The following SLC25A53 variants were observed in gnomAD, a reference collection of about 807,000 sequenced individuals.
SLC25A53 encodes mitochondrial carrier triple repeat protein 6.
A neutral mutation model predicts 15.0 loss-of-function variants in SLC25A53; 5 were observed. That is an observed-to-expected ratio of 0.33 (90% confidence interval 0.17 to 0.70). The LOEUF is 0.70. SLC25A53 is among the 30% of genes least tolerant of loss of function. SLC25A53 has a pLI of 0.67. For synonymous variants in SLC25A53, 95 were observed against 100.0 expected (o/e 0.95, Z 0.30); for missense variants, 216 against 241.6 (o/e 0.89, Z 0.70).
chrX:104,143,227 G>T (rs1317458236), intron 1 of SLC25A53, among the ~76,000 whole-genome samples: 2 of 111,618 alleles, frequency 1.8e-5, no homozygotes, highest in African/African-American at 3.3e-5. Context: ...CACCAGCAGG[G>T]AAGAAAACTG....
chrX:104,115,629 A>G (rs1450027093), intron 1 of SLC25A53: 1 of 247,810 alleles, frequency 4.0e-6, no homozygotes, highest in Non-Finnish European at 7.6e-6. Context: ...TACAAAAACT[A>G]AAGTACAAAT....
chrX:104,153,264 T>A (rs868966498), intron 1 of SLC25A53, among the ~76,000 whole-genome samples: 861 of 74,729 alleles, frequency 0.012, 1 homozygote, highest in Non-Finnish European at 0.018. Flanking sequence ...ATATATATAT[T>A]TTTTTTTTCT....
At chrX:104,151,858 A>G (rs782565150) in intron 1 of SLC25A53, among the ~76,000 whole-genome samples, 4 of 111,766 alleles carry the variant, frequency 3.6e-5, no homozygotes, top group African/African-American at 1.3e-4. Flanking sequence ...ATCTCCTCAC[A>G]TTTCACGGAA....
At chrX:104,116,621 C>T (rs2075377808) in intron 1 of SLC25A53, among the ~76,000 whole-genome samples, 1 of 111,209 alleles carries the variant, frequency 9.0e-6, no homozygotes, top group African/African-American at 3.3e-5. Context: ...GAACCCTGGG[C>T]TATGTTGTAG....
chrX:104,143,067 A>G (rs958851311), intron 1 of SLC25A53, among the ~76,000 whole-genome samples: 3 of 111,605 alleles, frequency 2.7e-5, no homozygotes, highest in Admixed American at 9.6e-5. Context: ...ATCAACAGAA[A>G]GGACTCCCAC....
intron 1 of SLC25A53, among the ~76,000 whole-genome samples, chrX:104,123,385 G>A (rs1459245977): frequency 8.9e-6 from 1 of 112,468 alleles, no homozygotes; most frequent in Non-Finnish European, 1.9e-5. Flanking sequence ...AAGGAAGAGA[G>A]TAGCTCAAAT....
chrX:104,148,760 C>T (rs911452734), intron 1 of SLC25A53, among the ~76,000 whole-genome samples: 2 of 110,934 alleles, frequency 1.8e-5, no homozygotes, highest in Non-Finnish European at 3.8e-5. Flanking sequence ...TGCAGCAAAC[C>T]AACATGTCAC....
At chrX:104,141,108 A>G (rs2075449654) in intron 1 of SLC25A53, among the ~76,000 whole-genome samples, 1 of 111,870 alleles carries the variant, frequency 8.9e-6, no homozygotes, top group Non-Finnish European at 1.9e-5. Flanking sequence ...AAGTTTTTCA[A>G]TATTCTGGAA....
At chrX:104,132,798 A>T (rs1423718924) in intron 1 of SLC25A53, among the ~76,000 whole-genome samples, 1 of 112,073 alleles carries the variant, frequency 8.9e-6, no homozygotes, top group Non-Finnish European at 1.9e-5. Flanking sequence ...AACCTTACTG[A>T]CTTGAAGACA....
intron 1 of SLC25A53, among the ~76,000 whole-genome samples, chrX:104,111,705 T>C (rs782039238): frequency 9.0e-6 from 1 of 110,808 alleles, no homozygotes; most frequent in South Asian, 3.9e-4. Context: ...AAAAATACTC[T>C]CCAGGCAGCG....
intron 1 of SLC25A53, among the ~76,000 whole-genome samples, chrX:104,116,906 C>T (rs1031147940): frequency 3.8e-4 from 42 of 110,370 alleles, no homozygotes; most frequent in African/African-American, 1.4e-3. Flanking sequence ...CAATCTCATT[C>T]CTATCACCCC....
At chrX:104,116,497 G>A (rs1602493314) in intron 1 of SLC25A53, among the ~76,000 whole-genome samples, 1 of 110,913 alleles carries the variant, frequency 9.0e-6, no homozygotes, top group East Asian at 2.8e-4. Flanking sequence ...GTAGGTGGAG[G>A]ACAGGAGGAC....
intron 1 of SLC25A53, among the ~76,000 whole-genome samples, chrX:104,118,423 C>T (rs2075384275): frequency 8.9e-6 from 1 of 112,243 alleles, no homozygotes; most frequent in Non-Finnish European, 1.9e-5. Context: ...AATATTCTTT[C>T]CCTTCCTGAT....
rs782696312 is a variant in SLC25A53, at chrX:104,102,335, C to T, written c.*1999G>A. 3 of 112,164 alleles carry T rather than the reference C, an allele frequency of 2.7e-5. No homozygotes were observed. Among genetic ancestry groups the T allele is most frequent in the African/African-American group, 3.2e-5 (1 of 30,865 alleles). 9.2% of individuals were successfully genotyped at this position (112,164 alleles called of 1,213,427 possible). A position where few individuals can be genotyped will look rare whatever the true frequency, so the allele number is the denominator to read the frequency against. On this transcript the variant is annotated 3_prime_UTR_variant, in exon 2 of 2. Coordinates refer to ENST00000594199, the MANE Select transcript of SLC25A53 (RefSeq NM_001012755.5). ...TGTCATCTTGGAAATCCTCAAAATT[C>T]CAGAGTTGAAACAAATGGTACAGTT... is the stretch of plus-strand genomic sequence containing the variant.
chrX:104,114,123 C>T, intron 1 of SLC25A53: 1 of 1,211,512 alleles, frequency 8.3e-7, no homozygotes, highest in Non-Finnish European at 1.1e-6. Context: ...TGGCTAGCAT[C>T]ACTGCGTGTG....
chrX:104,150,570 A>G (rs1482501483), intron 1 of SLC25A53, among the ~76,000 whole-genome samples: 2 of 112,348 alleles, frequency 1.8e-5, no homozygotes, highest in African/African-American at 3.2e-5. Flanking sequence ...GAAACAAAAC[A>G]TGAACTTTGA....
At chrX:104,119,077 A>C (rs1556362146) in intron 1 of SLC25A53, among the ~76,000 whole-genome samples, 5 of 111,970 alleles carry the variant, frequency 4.5e-5, no homozygotes. Flanking sequence ...AAGAGGAGAC[A>C]GCTGCAACAA....
At position 104,104,416 on chromosome X, in the gene SLC25A53, C is replaced by G. The variant is rs200813447; in HGVS notation, c.842G>C (p.Ser281Thr). The G allele has an allele frequency of 1.7e-5, 20 of 1,210,340 alleles. No homozygotes were observed. Among genetic ancestry groups the G allele is most frequent in the Non-Finnish European group, 2.2e-5 (20 of 895,240 alleles). ...TGCCGTAGTGAGGCCCCATGTCACA[C>G]TGGACCTTAGGATGACTAGGGAGCC... The part of the protein sequence containing the change: ...RGGSLVILRS[S>T]VTWGLTTAIH... The change falls in exon 2 of 2, where the codon AGT (serine) becomes ACT (threonine). Residue 281 changes from serine (S) to threonine (T), a missense_variant. Ser to Thr is a moderately conservative substitution (Grantham distance 58). Coordinates refer to ENST00000594199, the MANE Select transcript of SLC25A53 (RefSeq NM_001012755.5).
chrX:104,143,155 C>T (rs1420210785), intron 1 of SLC25A53, among the ~76,000 whole-genome samples: 4 of 111,030 alleles, frequency 3.6e-5, no homozygotes, highest in Non-Finnish European at 5.6e-5. Context: ...GAAACCAGCG[C>T]AGAAAGGCTG....
Sources: gnomAD v4.1 joint callset for allele counts (sites outside exome capture counted in the v4.1 genomes callset) on GRCh38, gnomAD v4.1.1 for gene constraint, MANE v1.5 for transcripts, NCBI Gene and HGNC (gene_info 2026-07-23, HGNC 2026-07-21) for gene names.